EXOC6: variants seen among roughly 807,000 people sequenced by gnomAD.
EXOC6 encodes SEC15-like 1.
EXOC6 carries 60 observed loss-of-function variants against 112.5 expected under a neutral mutation model. The observed-to-expected ratio is 0.53, with a 90% CI of 0.43 to 0.66. The LOEUF (loss-of-function observed/expected upper bound fraction) is 0.66, where lower values mean the gene tolerates loss of function less well. Among genes scored for constraint, EXOC6 ranks in the 30% least tolerant of loss-of-function variants. EXOC6 has a pLI of 0.00. For synonymous variants in EXOC6, 295 were observed against 308.0 expected (o/e 0.96, Z 0.44); for missense variants, 855 against 957.1 (o/e 0.89, Z 1.41).
chr10:93,006,540 C>A (rs903786144), intron 19 of EXOC6, among the ~76,000 whole-genome samples: 1 of 152,096 alleles, frequency 6.6e-6, no homozygotes, highest in African/African-American at 2.4e-5. Flanking sequence ...GTTTGCATCC[C>A]ACTGTTGCTG....
intron 17 of EXOC6, among the ~76,000 whole-genome samples, chr10:92,967,636 C>G (rs74149183): frequency 0.03 from 4,594 of 152,150 alleles, 171 homozygotes; most frequent in East Asian, 0.15. Context: ...CTTTTAAAAG[C>G]TTGTTATGCA....
intron 5 of EXOC6, 30 bp from the exon 6 acceptor site, chr10:92,909,397 T>C (rs1288030407): frequency 1.3e-6 from 2 of 1,487,410 alleles, no homozygotes; most frequent in South Asian, 1.2e-5. Context: ...AAGAACTTTT[T>C]ATAGAGTTTT....
intron 20 of EXOC6, among the ~76,000 whole-genome samples, chr10:93,047,866 A>G (rs1233465061): frequency 6.6e-6 from 1 of 152,082 alleles, no homozygotes; most frequent in Non-Finnish European, 1.5e-5. Context: ...GAATTGCTTG[A>G]ACCTGGGAGG....
At chr10:92,975,886 T>A (rs1280811856) in intron 18 of EXOC6, among the ~76,000 whole-genome samples, 5 of 128,700 alleles carry the variant, frequency 3.9e-5, no homozygotes, top group Non-Finnish European at 5.0e-5. Context: ...GGAGCCCCTC[T>A]GCCTGGCCAG....
At chr10:92,934,243 C>A (rs1436277580) in intron 10 of EXOC6, 53 bp downstream of exon 10, 3 of 1,520,872 alleles carry the variant, frequency 2.0e-6, no homozygotes, top group African/African-American at 2.9e-5. Context: ...ATGTTAAATG[C>A]CAGAAATACT....
intron 19 of EXOC6, among the ~76,000 whole-genome samples, chr10:93,006,269 T>C (rs1249613197): frequency 1.3e-5 from 2 of 152,144 alleles, no homozygotes; most frequent in African/African-American, 4.8e-5. Context: ...AAAAGGGCTG[T>C]GCCCCATAAT....
At chr10:92,852,412 A>G (rs1426490380) in intron 1 of EXOC6, among the ~76,000 whole-genome samples, 2 of 152,232 alleles carry the variant, frequency 1.3e-5, no homozygotes, top group Non-Finnish European at 2.9e-5. Flanking sequence ...AAAGAAAGAC[A>G]TAACTAGAAA....
Position 92,966,256 on chromosome 10 carries a change from C to A in EXOC6, c.1774-7797C>A, listed in dbSNP as rs75560688. ...TTTTCTGAACCACTTTTTCCCTAAA[C>A]GTGGTCTAGAAAGCATGTAATTATA... On this transcript the variant is annotated intron_variant, in intron 17 of 21. Coordinates refer to ENST00000260762, the MANE Select transcript of EXOC6 (RefSeq NM_019053.6). 1.0e-3 allele frequency among the ~76,000 whole-genome samples: 150 copies of A among 147,950 alleles called. 1 individual carries two copies. Among genetic ancestry groups the A allele is most frequent in the African/African-American group, 3.7e-3 (147 of 40,112 alleles).
At position 92,858,026 on chromosome 10, in the gene EXOC6, CCCCT is replaced by C. The variant is rs973944367; in HGVS notation, c.101+9395_101+9398del. On this transcript the variant is annotated intron_variant, in intron 1 of 21. Coordinates refer to ENST00000260762, the MANE Select transcript of EXOC6 (RefSeq NM_019053.6). Reference sequence around the variant, plus strand: ...TAAGATTTTTAGTTGACGGGTTCCCCCCCTCCGCCGGCCAGCAGTTTGAATATGT... The same window carrying C: ...TAAGATTTTTAGTTGACGGGTTCCCCCCGCCGGCCAGCAGTTTGAATATGT... 3.7e-5 allele frequency among the ~76,000 whole-genome samples: 5 copies of C among 135,986 alleles called. 1 individual carries two copies. Among genetic ancestry groups the C allele is most frequent in the African/African-American group, 1.4e-4 (5 of 37,008 alleles). The allele number at this position is 135,986 out of a possible 152,430, so 89.2% of individuals were successfully genotyped here.
chr10:92,881,984 CT>C (rs1248404554), intron 1 of EXOC6, among the ~76,000 whole-genome samples: 1 of 152,132 alleles, frequency 6.6e-6, no homozygotes, highest in African/African-American at 2.4e-5. Context: ...CATTAAACCT[CT>C]TTTTCTTTAT....
At chr10:92,969,935 C>T (rs1285785893) in intron 17 of EXOC6, among the ~76,000 whole-genome samples, 1 of 152,188 alleles carries the variant, frequency 6.6e-6, no homozygotes, top group Admixed American at 6.5e-5. Context: ...GTCAGGTGAT[C>T]CACCCACCTT....
chr10:92,848,667 C>A, intron 1 of EXOC6, 33 bp downstream of exon 1: 1 of 1,314,230 alleles, frequency 7.6e-7, no homozygotes, highest in Non-Finnish European at 9.9e-7. Context: ...ACTTCGGCCC[C>A]CCGCCCCACG....
chr10:92,876,815 C>CT (rs1848703545), intron 1 of EXOC6, among the ~76,000 whole-genome samples: 1 of 152,160 alleles, frequency 6.6e-6, no homozygotes, highest in African/African-American at 2.4e-5. Context: ...ATCACTGACA[C>CT]TTTTACCCTA....
At chr10:92,917,891 C>T (rs2133899772) in intron 7 of EXOC6, among the ~76,000 whole-genome samples, 1 of 152,300 alleles carries the variant, frequency 6.6e-6, no homozygotes, top group Non-Finnish European at 1.5e-5. Context: ...GTGGCTCATG[C>T]CTGTGATGCT....
chr10:93,034,837 T>G (rs1471804540), intron 20 of EXOC6, among the ~76,000 whole-genome samples: 2 of 152,238 alleles, frequency 1.3e-5, no homozygotes. Flanking sequence ...CTGCTTAAAC[T>G]TGCCCCTGTG....
chr10:92,914,723 A>G (rs1329536154), intron 6 of EXOC6, among the ~76,000 whole-genome samples: 1 of 152,214 alleles, frequency 6.6e-6, no homozygotes, highest in Non-Finnish European at 1.5e-5. Flanking sequence ...GCATGGTCTG[A>G]TAACCTAAGT....
intron 1 of EXOC6, among the ~76,000 whole-genome samples, chr10:92,849,586 T>C (rs1197763622): frequency 6.6e-6 from 1 of 152,228 alleles, no homozygotes; most frequent in Non-Finnish European, 1.5e-5. Context: ...CTTAGGGAAC[T>C]TGAGACTGAT....
chr10:93,005,570 C>T (rs1488665695), intron 19 of EXOC6, among the ~76,000 whole-genome samples: 2 of 151,066 alleles, frequency 1.3e-5, no homozygotes, highest in African/African-American at 2.5e-5. Context: ...CACAGAAATT[C>T]TTCCTGTTAC....
intron 20 of EXOC6, among the ~76,000 whole-genome samples, chr10:93,023,206 C>T (rs554272113): frequency 3.3e-5 from 5 of 152,054 alleles, no homozygotes; most frequent in Admixed American, 6.5e-5. Flanking sequence ...CCTGCCCACC[C>T]GGACTTTGCC....
Sources: gnomAD v4.1 joint callset for allele counts (sites outside exome capture counted in the v4.1 genomes callset) on GRCh38, gnomAD v4.1.1 for gene constraint, MANE v1.5 for transcripts, NCBI Gene and HGNC (gene_info 2026-07-23, HGNC 2026-07-21) for gene names.